The following RGPD5 variants were observed in gnomAD, a reference collection of about 807,000 sequenced individuals.
RGPD5 encodes the protein RANBP2 like and GRIP domain containing 5.
chr2:109,794,608 C>CGGCGGCCG, intron 1 of RGPD5, 71 bp downstream of exon 1: 3,206 of 193,442 alleles, frequency 0.017, 474 homozygotes, highest in Admixed American at 0.046. Context: ...GCGGCGGCGG[C>CGGCGGCCG]GGGGGGGGCG....
chr2:109,768,674 CT>C, the RGPD5 span, among the ~76,000 whole-genome samples: 1 of 112,020 alleles, frequency 8.9e-6, no homozygotes, highest in Non-Finnish European at 1.9e-5. Context: ...TTTGCATTTC[CT>C]TCTCCCTGTT....
the RGPD5 span, among the ~76,000 whole-genome samples, chr2:109,772,474 TGTAAG>T: frequency 1.3e-5 from 1 of 78,534 alleles, no homozygotes; most frequent in East Asian, 4.5e-4. Flanking sequence ...GGTACGATAA[TGTAAG>T]GAAAGGCAAA....
At chr2:109,760,831 C>T in the RGPD5 span, among the ~76,000 whole-genome samples, 1 of 135,420 alleles carries the variant, frequency 7.4e-6, no homozygotes, top group African/African-American at 2.7e-5. Context: ...GCCGCGGCGG[C>T]CCGCGCGTCC....
chr2:109,761,742 G>T, the RGPD5 span, among the ~76,000 whole-genome samples: 1 of 146,774 alleles, frequency 6.8e-6, no homozygotes, highest in East Asian at 2.2e-4. Flanking sequence ...CTTGTGTTAT[G>T]TTTAATATTT....
chr2:109,798,992 G>A (rs868392770), intron 1 of RGPD5, among the ~76,000 whole-genome samples: 5,002 of 14,540 alleles, frequency 0.34, 19 homozygotes, highest in Non-Finnish European at 0.39. Context: ...GGGAACTGGC[G>A]GGCTCGGTGG....
the RGPD5 span, among the ~76,000 whole-genome samples, chr2:109,764,242 G>A: frequency 1.3e-5 from 2 of 149,346 alleles, no homozygotes; most frequent in African/African-American, 2.5e-5. Context: ...GCTTTGTTCT[G>A]TAGAGTCTTG....
the RGPD5 span, among the ~76,000 whole-genome samples, chr2:109,765,281 C>T: frequency 6.1e-5 from 9 of 146,622 alleles, no homozygotes; most frequent in Non-Finnish European, 1.3e-4. Context: ...CCACCCACCA[C>T]CCCTTGAACA....
chr2:109,761,396 G>A, the RGPD5 span, among the ~76,000 whole-genome samples: 1 of 150,628 alleles, frequency 6.6e-6, no homozygotes, highest in African/African-American at 2.4e-5. Flanking sequence ...GTTCCTCTGG[G>A]CCCTTTCTTC....
the RGPD5 span, among the ~76,000 whole-genome samples, chr2:109,763,365 C>T: frequency 3.3e-5 from 5 of 150,396 alleles, no homozygotes; most frequent in South Asian, 1.1e-3. Flanking sequence ...GGGTAACCTG[C>T]CCAGAGTCAC....
At chr2:109,794,610 G>GA (rs1481533589) in intron 1 of RGPD5, 73 bp downstream of exon 1, 100 of 190,806 alleles carry the variant, frequency 5.2e-4, no homozygotes, top group South Asian at 1.2e-3. Context: ...GGCGGCGGCG[G>GA]GGGGGGCGGC....
intron 1 of RGPD5, 73 bp downstream of exon 1, chr2:109,794,610 G>GCCTCGGCCCCGGCCCGGCC (rs1481533589): frequency 5.3e-6 from 1 of 189,768 alleles, no homozygotes; most frequent in Non-Finnish European, 7.3e-6. Flanking sequence ...GGCGGCGGCG[G>GCCTCGGCCCCGGCCCGGCC]GGGGGGCGGC....
chr2:109,794,613 G>C, intron 1 of RGPD5, 76 bp downstream of exon 1: 9 of 314,766 alleles, frequency 2.9e-5, no homozygotes, highest in Non-Finnish European at 3.8e-5. Flanking sequence ...GGCGGCGGGG[G>C]GGGCGGCGGC....
the RGPD5 span, among the ~76,000 whole-genome samples, chr2:109,767,413 C>A: frequency 1.4e-5 from 2 of 140,056 alleles, no homozygotes; most frequent in African/African-American, 5.2e-5. Context: ...ATTACATAAT[C>A]TTTTATGTTT....
At chr2:109,763,534 C>T in the RGPD5 span, among the ~76,000 whole-genome samples, 3 of 149,954 alleles carry the variant, frequency 2.0e-5, 1 homozygote. Flanking sequence ...AACAAAACCT[C>T]GATGGACTGG....
the RGPD5 span, among the ~76,000 whole-genome samples, chr2:109,777,433 C>G: frequency 7.2e-6 from 1 of 138,654 alleles, no homozygotes; most frequent in Admixed American, 7.7e-5. Flanking sequence ...GACTATGTCA[C>G]TTGGTTATGG....
the RGPD5 span, among the ~76,000 whole-genome samples, chr2:109,765,334 T>C: frequency 2.7e-5 from 4 of 149,654 alleles, no homozygotes; most frequent in East Asian, 8.2e-4. Context: ...AAATAACGCT[T>C]ATTACTATGT....
the RGPD5 span, among the ~76,000 whole-genome samples, chr2:109,765,786 C>T: frequency 1.3e-5 from 2 of 151,006 alleles, no homozygotes; most frequent in South Asian, 2.1e-4. Context: ...CCAGTAGTGC[C>T]CGCTGATGCT....
At chr2:109,761,092 CT>C in the RGPD5 span, among the ~76,000 whole-genome samples, 25 of 143,534 alleles carry the variant, frequency 1.7e-4, no homozygotes, top group Non-Finnish European at 3.2e-4. Context: ...TCACTAATGC[CT>C]GGGGATCCAC....
the RGPD5 span, among the ~76,000 whole-genome samples, chr2:109,760,973 C>T: frequency 3.8e-5 from 5 of 131,884 alleles, no homozygotes; most frequent in African/African-American, 1.5e-4. Flanking sequence ...TTCCCCCTCT[C>T]CTGTTCGCCT....
Sources: allele counts gnomAD v4.1 joint callset (sites outside exome capture counted in the v4.1 genomes callset), GRCh38; gene constraint gnomAD v4.1.1; transcripts MANE v1.5; gene names NCBI Gene and HGNC (gene_info 2026-07-23, HGNC 2026-07-21).